NRG3: variants seen among roughly 807,000 people sequenced by gnomAD.
NRG3 encodes neuregulin 3, also known as pro-neuregulin-3, membrane-bound isoform.
A neutral mutation model predicts 66.9 loss-of-function variants in NRG3; 31 were observed. That is an observed-to-expected ratio of 0.46 (90% CI 0.35 to 0.63). NRG3 has a LOEUF of 0.63. Among genes scored for constraint, NRG3 ranks in the 20% least tolerant of loss-of-function variants. The probability of loss-of-function intolerance (pLI) is 0.00; values close to 1 mark genes in which losing one functional copy is unlikely to be tolerated. For missense variants in NRG3, 910 were observed against 878.9 expected, an observed-to-expected ratio of 1.04 and a Z score of -0.45; for synonymous variants, 393 against 359.4, an observed-to-expected ratio of 1.09 and a Z score of -1.06.
chr10:82,469,872 C>A (rs971184846), intron 2 of NRG3, among the ~76,000 whole-genome samples: 1 of 152,132 alleles, frequency 6.6e-6, no homozygotes, highest in Non-Finnish European at 1.5e-5. Flanking sequence ...TAGTTAAGGT[C>A]AAAATAGAGC....
At chr10:82,202,425 C>G (rs1793779030) in intron 1 of NRG3, among the ~76,000 whole-genome samples, 1 of 151,754 alleles carries the variant, frequency 6.6e-6, no homozygotes, top group African/African-American at 2.4e-5. Context: ...AAACTGAAGG[C>G]AAAAAAAATC....
chr10:82,107,344 A>C (rs2067130670), intron 1 of NRG3, among the ~76,000 whole-genome samples: 1 of 152,216 alleles, frequency 6.6e-6, no homozygotes, highest in Admixed American at 6.5e-5. Flanking sequence ...TAAGGAAGTC[A>C]TAAATAGGAT....
intron 2 of NRG3, among the ~76,000 whole-genome samples, chr10:82,495,831 C>CACACAT (rs898886984): frequency 6.6e-6 from 1 of 151,714 alleles, no homozygotes; most frequent in African/African-American, 2.4e-5. Flanking sequence ...CACACACACA[C>CACACAT]ACACACACAC....
At chr10:82,983,944 A>T (rs1041910488) in intron 8 of NRG3, among the ~76,000 whole-genome samples, 6 of 152,226 alleles carry the variant, frequency 3.9e-5, no homozygotes, top group African/African-American at 1.4e-4. Flanking sequence ...ATTTGCTCCC[A>T]TCATGTCCTT....
At chr10:82,594,118 C>A (rs2047136281) in intron 2 of NRG3, among the ~76,000 whole-genome samples, 1 of 151,918 alleles carries the variant, frequency 6.6e-6, no homozygotes, top group Non-Finnish European at 1.5e-5. Flanking sequence ...ACTGATTTTC[C>A]AACTAAGAAA....
At chr10:82,039,904 A>G (rs2062954409) in intron 1 of NRG3, among the ~76,000 whole-genome samples, 1 of 152,120 alleles carries the variant, frequency 6.6e-6, no homozygotes, top group African/African-American at 2.4e-5. Context: ...ATGGGAAGAA[A>G]GTATTCACTA....
intron 2 of NRG3, among the ~76,000 whole-genome samples, chr10:82,508,857 T>G (rs2132422898): frequency 1.3e-5 from 2 of 152,344 alleles, no homozygotes; most frequent in South Asian, 4.1e-4. Flanking sequence ...TCAGTCTCCC[T>G]GCCTGTGAAT....
intron 2 of NRG3, among the ~76,000 whole-genome samples, chr10:82,413,642 C>A (rs2088298812): frequency 6.6e-6 from 1 of 152,046 alleles, no homozygotes; most frequent in Non-Finnish European, 1.5e-5. Flanking sequence ...AGATGGCATC[C>A]CTTCCATTAA....
At chr10:81,918,023 A>T (rs750073767) in intron 1 of NRG3, among the ~76,000 whole-genome samples, 2 of 152,210 alleles carry the variant, frequency 1.3e-5, no homozygotes, top group African/African-American at 4.8e-5. Context: ...TATCTTTGTC[A>T]TCCGAATCCA....
At chr10:82,138,441 T>C (rs1217926034) in intron 1 of NRG3, among the ~76,000 whole-genome samples, 1 of 152,156 alleles carries the variant, frequency 6.6e-6, no homozygotes, top group East Asian at 1.9e-4. Flanking sequence ...TTTGGTACTA[T>C]CTTCTTGGCT....
intron 1 of NRG3, among the ~76,000 whole-genome samples, chr10:82,259,259 C>T (rs2077895267): frequency 6.6e-6 from 1 of 152,174 alleles, no homozygotes; most frequent in South Asian, 2.1e-4. Context: ...CAATCCTTCT[C>T]AGGGCCTTTG....
chr10:82,092,205 G>C (rs2066067782), intron 1 of NRG3, among the ~76,000 whole-genome samples: 3 of 152,080 alleles, frequency 2.0e-5, no homozygotes, highest in Non-Finnish European at 4.4e-5. Flanking sequence ...GGGTCAACAA[G>C]TATCTTGGCT....
chr10:82,366,164 C>G (rs2084506665), intron 2 of NRG3, among the ~76,000 whole-genome samples: 1 of 152,050 alleles, frequency 6.6e-6, no homozygotes, highest in Non-Finnish European at 1.5e-5. Flanking sequence ...TTAAGATAGT[C>G]TAATAGTTGC....
chr10:82,088,752 G>A (rs2065864978), intron 1 of NRG3, among the ~76,000 whole-genome samples: 1 of 152,066 alleles, frequency 6.6e-6, no homozygotes, highest in South Asian at 2.1e-4. Context: ...GTGACTGGCT[G>A]TACTCGACTT....
At position 82,153,311 on chromosome 10, in the gene NRG3, T is replaced by C. The variant is rs186657225; in HGVS notation, c.824-205428T>C. ...AGTGAAATCATACAGTATTTGTCTC[T>C]GTACTTAGTTTATTTTACTTAACAT... is the stretch of plus-strand genomic sequence containing the variant. On this transcript the variant is annotated intron_variant, in intron 1 of 8. Transcript: ENST00000372141. Among the ~76,000 whole-genome samples the C allele has an allele frequency of 3.2e-3, 481 of 152,234 alleles. 2 individuals are homozygous for C. The highest frequency in any genetic ancestry group is 0.011 in the African/African-American group (463 of 41,546).
intron 2 of NRG3, among the ~76,000 whole-genome samples, chr10:82,711,111 C>T (rs1479051082): frequency 6.6e-6 from 1 of 152,146 alleles, no homozygotes; most frequent in Non-Finnish European, 1.5e-5. Flanking sequence ...CAGGGTCTCA[C>T]TCTGTCACCC....
intron 1 of NRG3, among the ~76,000 whole-genome samples, chr10:82,128,053 C>T (rs749320314): frequency 2.0e-5 from 3 of 151,786 alleles, no homozygotes; most frequent in Non-Finnish European, 2.9e-5. Flanking sequence ...GCTAAGATCA[C>T]GATGTTAATT....
At chr10:82,716,443 G>A (rs1370274472) in intron 2 of NRG3, among the ~76,000 whole-genome samples, 1 of 152,116 alleles carries the variant, frequency 6.6e-6, no homozygotes, top group Non-Finnish European at 1.5e-5. Context: ...AGTGAATATA[G>A]ATCACTTGTA....
chr10:81,899,283 C>G (rs182958287), intron 1 of NRG3, among the ~76,000 whole-genome samples: 18 of 152,228 alleles, frequency 1.2e-4, no homozygotes, highest in African/African-American at 4.1e-4. Flanking sequence ...GCACTATTGC[C>G]TCTGCTTCTA....
Sources: allele counts gnomAD v4.1 joint callset (sites outside exome capture counted in the v4.1 genomes callset), GRCh38; gene constraint gnomAD v4.1.1; transcripts MANE v1.5; gene names NCBI Gene and HGNC (gene_info 2026-07-23, HGNC 2026-07-21).